NRXN3: variants seen among roughly 807,000 people sequenced by gnomAD.
NRXN3 encodes neurexin 3, also known as neurexin III.
NRXN3 carries 32 observed loss-of-function variants against 137.6 expected under a neutral mutation model. That is an observed-to-expected ratio of 0.23 (90% CI 0.18 to 0.31). NRXN3 has a LOEUF of 0.31. NRXN3 is among the 10% of genes least tolerant of loss of function. The probability of loss-of-function intolerance (pLI) is 1.00; values close to 1 mark genes in which losing one functional copy is unlikely to be tolerated. For missense variants in NRXN3, 1,574 were observed against 2,062.5 expected (o/e 0.76, Z 4.59); for synonymous variants, 798 against 784.5 (o/e 1.02, Z -0.29).
chr14:78,696,658 C>T (rs1182246690), intron 6 of NRXN3, among the ~76,000 whole-genome samples: 1 of 151,992 alleles, frequency 6.6e-6, no homozygotes, highest in Non-Finnish European at 1.5e-5. Context: ...ATAGGGTGGC[C>T]ATCTATTCCA....
At chr14:78,355,627 C>T (rs903811882) in intron 4 of NRXN3, among the ~76,000 whole-genome samples, 15 of 152,138 alleles carry the variant, frequency 9.9e-5, no homozygotes. Flanking sequence ...GCCATGTTGG[C>T]CAGGCTGGTC....
At chr14:79,753,298 T>C (rs2099005306) in intron 19 of NRXN3, among the ~76,000 whole-genome samples, 1 of 151,642 alleles carries the variant, frequency 6.6e-6, no homozygotes, top group Non-Finnish European at 1.5e-5. Flanking sequence ...CTATTCACAA[T>C]AGCAAAGACT....
Position 78,451,590 on chromosome 14 carries a change from A to T in NRXN3, c.757+153730A>T, listed in dbSNP as rs368651205. Among the ~76,000 whole-genome samples, 4 of 152,330 alleles carry T rather than the reference A, an allele frequency of 2.6e-5. No homozygotes were observed. The South Asian group carries it at 8.3e-4, about 32-fold the overall frequency. Reference sequence around the variant, plus strand: ...ACTTCTTTCTATACTCCCTTCCCGTATAGATAGCCATAGCATACATACATG... The same window carrying T: ...ACTTCTTTCTATACTCCCTTCCCGTTTAGATAGCCATAGCATACATACATG... On this transcript the variant is annotated intron_variant, in intron 4 of 20. Transcript: ENST00000335750.
chr14:79,264,124 G>C (rs1438884941), intron 15 of NRXN3, among the ~76,000 whole-genome samples: 1 of 152,026 alleles, frequency 6.6e-6, no homozygotes, highest in Non-Finnish European at 1.5e-5. Context: ...GTCTTGCTCT[G>C]TTGCCCAGGC....
At chr14:79,478,266 A>C (rs1393333680) in intron 16 of NRXN3, among the ~76,000 whole-genome samples, 1 of 151,282 alleles carries the variant, frequency 6.6e-6, no homozygotes, top group African/African-American at 2.4e-5. Flanking sequence ...AGAGAACTAA[A>C]AAGGAAAGGC....
rs551075654 is a variant in NRXN3, at chr14:79,820,036, A to G, written c.4093+14846A>G. Among the ~76,000 whole-genome samples the G allele has an allele frequency of 2.3e-5, 3 of 133,260 alleles. No homozygotes were observed. In the East Asian group the frequency reaches 5.8e-4, roughly 26 times the overall value. 87.4% of individuals were successfully genotyped at this position (133,260 alleles called of 152,430 possible). The stretch of plus-strand genomic sequence containing the variant: ...CAGTAGCTTCCTTGATCTCCCGCCC[A>G]CATACTGTGTCATATCCCAGTAATT... On this transcript the variant is annotated intron_variant, in intron 20 of 20. Coordinates refer to ENST00000335750, the MANE Select transcript of NRXN3 (RefSeq NM_001330195.2).
At chr14:79,614,680 T>A (rs535022717) in intron 16 of NRXN3, among the ~76,000 whole-genome samples, 1 of 152,140 alleles carries the variant, frequency 6.6e-6, no homozygotes, top group Non-Finnish European at 1.5e-5. Flanking sequence ...AGCAGCCTAA[T>A]TGCTTCTCCT....
At chr14:78,959,234 T>A (rs2099403408) in intron 11 of NRXN3, among the ~76,000 whole-genome samples, 1 of 151,890 alleles carries the variant, frequency 6.6e-6, no homozygotes, top group Admixed American at 6.6e-5. Flanking sequence ...CATTAGAAAC[T>A]GTTAGCTGTG....
At chr14:78,444,749 G>A (rs181580855) in intron 4 of NRXN3, among the ~76,000 whole-genome samples, 43 of 151,482 alleles carry the variant, frequency 2.8e-4, no homozygotes, top group Admixed American at 1.3e-3. Context: ...GTGAAACTGC[G>A]TCTCTACTAA....
At chr14:78,725,456 G>A (rs995083708) in intron 8 of NRXN3, among the ~76,000 whole-genome samples, 8 of 152,224 alleles carry the variant, frequency 5.3e-5, no homozygotes, top group African/African-American at 1.9e-4. Context: ...TTGCTCAGCA[G>A]GATCTCATCT....
intron 15 of NRXN3, among the ~76,000 whole-genome samples, chr14:79,250,466 T>C (rs1337305307): frequency 2.0e-5 from 3 of 152,234 alleles, no homozygotes; most frequent in African/African-American, 7.2e-5. Flanking sequence ...TATGATATGC[T>C]GAGAGCTTTT....
At chr14:78,970,068 A>G (rs2099431513) in intron 14 of NRXN3, among the ~76,000 whole-genome samples, 2 of 152,180 alleles carry the variant, frequency 1.3e-5, no homozygotes, top group Non-Finnish European at 2.9e-5. Context: ...AATTCCATTT[A>G]TCCTGGAATA....
chr14:79,095,954 T>A (rs373984338), intron 15 of NRXN3, among the ~76,000 whole-genome samples: 2 of 152,124 alleles, frequency 1.3e-5, no homozygotes, highest in African/African-American at 4.8e-5. Flanking sequence ...CTATGCTGGA[T>A]GCTAGATTCT....
intron 15 of NRXN3, among the ~76,000 whole-genome samples, chr14:79,237,263 C>A (rs568167223): frequency 1.3e-4 from 20 of 152,088 alleles, no homozygotes; most frequent in Admixed American, 2.6e-4. Flanking sequence ...TCAGAGCTTG[C>A]CCAGTTTCTA....
At chr14:78,848,486 G>A (rs555773026) in intron 10 of NRXN3, among the ~76,000 whole-genome samples, 1 of 151,724 alleles carries the variant, frequency 6.6e-6, no homozygotes, top group South Asian at 2.1e-4. Context: ...ATTACAGGCC[G>A]TGCCTTCAGA....
Position 79,409,621 on chromosome 14 carries a change from A to C in NRXN3, c.3263-57600A>C, listed in dbSNP as rs200275775. Among the ~76,000 whole-genome samples the C allele has an allele frequency of 4.1e-4, 54 of 132,102 alleles. 1 individual carries two copies. The Middle Eastern group carries it at 0.016, about 39-fold the overall frequency. The allele number at this position is 132,102 out of a possible 152,430, so 86.7% of individuals were successfully genotyped here. A position where few individuals can be genotyped will look rare whatever the true frequency, so the allele number is the denominator to read the frequency against. Reference sequence around the variant, plus strand: ...AGTGTGTGTGTGTGTGTGTGTCTATATATATATATATATATATATATATCC... The same window carrying C: ...AGTGTGTGTGTGTGTGTGTGTCTATCTATATATATATATATATATATATCC... On this transcript the variant is annotated intron_variant, in intron 15 of 20. Transcript: ENST00000335750.
At chr14:78,965,963 T>G in intron 11 of NRXN3, 62 bp from the exon 12 acceptor site, 1 of 1,550,832 alleles carries the variant, frequency 6.4e-7, no homozygotes, top group Non-Finnish European at 8.7e-7. Flanking sequence ...AAAATATACT[T>G]GAGGGTGCTG....
chr14:79,380,817 A>G (rs1390723585), intron 15 of NRXN3, among the ~76,000 whole-genome samples: 1 of 152,184 alleles, frequency 6.6e-6, no homozygotes, highest in Non-Finnish European at 1.5e-5. Context: ...TAGTTCAACC[A>G]TTGTGGAAGT....
rs547856570 is a variant in NRXN3, at chr14:79,861,204, G to A, written c.4094-138G>A. The A allele has an allele frequency of 6.5e-7, 1 of 1,533,770 alleles. No individual in the cohort carries two copies. The highest frequency in any genetic ancestry group is 2.4e-5 in the East Asian group (1 of 40,852). ...ATGACCTCTGAGGCGGGGTTACCTT[G>A]CTTGTCGGACCAAGGCAGCGATGGT... On this transcript the variant is annotated intron_variant, in intron 20 of 20. Coordinates refer to ENST00000335750, the MANE Select transcript of NRXN3 (RefSeq NM_001330195.2). This position sits in a 1 kb window ranked among gnomAD's most constrained non-coding sequence, Gnocchi z 5.4.
Sources: allele counts gnomAD v4.1 joint callset (sites outside exome capture counted in the v4.1 genomes callset), GRCh38; gene constraint gnomAD v4.1.1; non-coding constraint Gnocchi (gnomAD v3.1); transcripts MANE v1.5; gene names NCBI Gene and HGNC (gene_info 2026-07-23, HGNC 2026-07-21).